Variants in TBC1D32 observed in about 807,000 individuals in gnomAD.
TBC1D32 encodes the protein protein broad-minded.
Under a neutral mutation model 170.3 loss-of-function variants are expected in TBC1D32, and 151 were observed. The observed-to-expected ratio is 0.89, with a 90% confidence interval of 0.78 to 1.01. TBC1D32 has a LOEUF of 1.01. Ranked by LOEUF, TBC1D32 falls within the 50% of genes least tolerant of loss-of-function variation. The pLI, the probability that TBC1D32 is intolerant of heterozygous loss-of-function variation, is 0.00. For synonymous variants in TBC1D32, 498 were observed against 488.0 expected (o/e 1.02, Z -0.27); for missense variants, 1,464 against 1,457.1 (o/e 1.00, Z -0.08).
In TBC1D32 at chr6:121,304,577, G is replaced by A; in HGVS notation, c.818C>T (p.Thr273Ile). The part of the protein sequence containing the change: ...YFLSRENHIP[T>I]LSAGVDITNP... ...AGTTATATCTACACCAGCTGAAAGA[G>A]TAGGAATATGATTTTCCCTAGAAAG... Residue 273 changes from threonine (T) to isoleucine (I), a missense_variant, in exon 7 of 32, where the codon ACT becomes ATT. Around this residue, in one of 3 missense-constraint regions of TBC1D32, gnomAD observed 1,363 missense variants for 1,338.1 expected, o/e 1.02. Transcript: ENST00000398212. The A allele has an allele frequency of 6.2e-7, 1 of 1,612,026 alleles. No homozygotes were observed. The highest frequency in any genetic ancestry group is 8.5e-7 in the Non-Finnish European group (1 of 1,178,898).
At chr6:121,239,224 T>C (rs1272270793) in intron 19 of TBC1D32, 36 bp from the exon 20 acceptor site, 8 of 1,270,662 alleles carry the variant, frequency 6.3e-6, no homozygotes, top group Non-Finnish European at 9.1e-6. Context: ...ATTTATAGCA[T>C]AATATTTCTT....
intron 21 of TBC1D32, among the ~76,000 whole-genome samples, chr6:121,212,584 A>G (rs1367417813): frequency 6.6e-6 from 1 of 150,590 alleles, no homozygotes; most frequent in Non-Finnish European, 1.5e-5. Context: ...CATCCTGGGT[A>G]GCTGGGATTA....
At chr6:121,331,598 T>G (rs773504643) in intron 1 of TBC1D32, among the ~76,000 whole-genome samples, 1 of 152,156 alleles carries the variant, frequency 6.6e-6, no homozygotes, top group Non-Finnish European at 1.5e-5. Context: ...GAATCAATGT[T>G]CTAATAGTGG....
At chr6:121,280,444 T>A (rs1215093529) in intron 14 of TBC1D32, among the ~76,000 whole-genome samples, 1 of 151,826 alleles carries the variant, frequency 6.6e-6, no homozygotes, top group African/African-American at 2.4e-5. Context: ...GTGTCCACTA[T>A]GTGCCAGAGG....
chr6:121,281,835 A>G, intron 13 of TBC1D32, 149 bp from the exon 14 acceptor site: 1 of 540,494 alleles, frequency 1.9e-6, no homozygotes. Flanking sequence ...AAGATGTACT[A>G]CCAAATTATA....
chr6:121,246,674 A>G (rs1446518595), intron 17 of TBC1D32, among the ~76,000 whole-genome samples: 1 of 151,934 alleles, frequency 6.6e-6, no homozygotes, highest in African/African-American at 2.4e-5. Context: ...CCAGAGAAAT[A>G]GATATAATAA....
chr6:121,124,905 T>A (rs1780666441), intron 26 of TBC1D32, among the ~76,000 whole-genome samples: 1 of 152,192 alleles, frequency 6.6e-6, no homozygotes, highest in Non-Finnish European at 1.5e-5. Context: ...ATCTCTCTAT[T>A]AAATTTCTCT....
intron 21 of TBC1D32, among the ~76,000 whole-genome samples, chr6:121,207,071 G>A (rs1194133552): frequency 6.6e-6 from 1 of 152,090 alleles, no homozygotes; most frequent in African/African-American, 2.4e-5. Flanking sequence ...ATAGGTAAAT[G>A]TTTTATTACT....
chr6:121,260,734 G>A (rs1373964531), intron 15 of TBC1D32, among the ~76,000 whole-genome samples: 3 of 152,190 alleles, frequency 2.0e-5, no homozygotes, highest in Admixed American at 6.5e-5. Flanking sequence ...ACAGCCACTC[G>A]GCTGGAATCA....
At chr6:121,264,179 A>G (rs1311140609) in intron 15 of TBC1D32, among the ~76,000 whole-genome samples, 1 of 152,164 alleles carries the variant, frequency 6.6e-6, no homozygotes, top group African/African-American at 2.4e-5. Flanking sequence ...ATAGACCACT[A>G]GTTAGATTAA....
intron 30 of TBC1D32, among the ~76,000 whole-genome samples, chr6:121,098,097 A>G (rs1202796293): frequency 1.3e-5 from 2 of 151,850 alleles, no homozygotes; most frequent in Admixed American, 6.6e-5. Flanking sequence ...CCTAATGTAG[A>G]TGATGGGTTG....
rs750106845 is a variant in TBC1D32 at position 121,091,091 on chromosome 6, T to C, written c.3466-50A>G. The C allele has an allele frequency of 2.7e-6, 4 of 1,460,230 alleles. No individual in the cohort carries two copies. In the South Asian group the frequency reaches 5.1e-5, roughly 19 times the overall value. The allele number at this position is 1,460,230 out of a possible 1,614,324, so 90.5% of individuals were successfully genotyped here. A position where few individuals can be genotyped will look rare whatever the true frequency, so the allele number is the denominator to read the frequency against. The stretch of plus-strand genomic sequence containing the variant: ...TCATTAAAAAATTTATAAAACCACA[T>C]TTGACTTTTAAAAAACATTAACCAA... On this transcript the variant is annotated intron_variant, in intron 30 of 31. Transcript: ENST00000398212.
intron 29 of TBC1D32, among the ~76,000 whole-genome samples, chr6:121,110,183 G>A (rs1442623054): frequency 4.0e-5 from 6 of 150,906 alleles, no homozygotes; most frequent in Non-Finnish European, 8.9e-5. Flanking sequence ...CCCAGGAGGC[G>A]GAGCTTGCAG....
chr6:121,081,638 T>C (rs1562410984), intron 31 of TBC1D32, among the ~76,000 whole-genome samples: 1 of 151,814 alleles, frequency 6.6e-6, no homozygotes, highest in African/African-American at 2.4e-5. Context: ...AGAATTACTA[T>C]AAGAAGAAGA....
In TBC1D32 at chr6:121,334,471, G is replaced by C. The variant is rs113208869; in HGVS notation, c.-41C>G. ...CGTCCACTCTCATTACTCCAGGTCC[G>C]AGCAAAAGCCGCGCACTGCGCACGC... On this transcript the variant is annotated 5_prime_UTR_variant, in exon 1 of 32. Coordinates refer to ENST00000398212, the MANE Select transcript of TBC1D32 (RefSeq NM_152730.6). 1.7e-3 allele frequency: 2,756 copies of C among 1,580,746 alleles called. 4 individuals are homozygous for C. The highest frequency in any genetic ancestry group is 2.2e-3 in the Non-Finnish European group (2,521 of 1,162,042).
At chr6:121,212,779 G>A in intron 21 of TBC1D32, among the ~76,000 whole-genome samples, 1 of 152,050 alleles carries the variant, frequency 6.6e-6, no homozygotes, top group East Asian at 1.9e-4. Context: ...TATCTTTGAT[G>A]AACTTGATGC....
rs551234959 is a variant in TBC1D32 at position 121,200,747 on chromosome 6, G to C, written c.2570+4328C>G. Among the ~76,000 whole-genome samples, 11 of 151,616 alleles carry C rather than the reference G, an allele frequency of 7.3e-5. 1 individual carries two copies. The South Asian group carries it at 2.3e-3, about 31-fold the overall frequency. ...AAGACAAGATCAGAATGGGCTATAAGTAATTCATAGAGCAAGCTTTGTGTT... is the reference window on the plus strand; with the variant it reads ...AAGACAAGATCAGAATGGGCTATAACTAATTCATAGAGCAAGCTTTGTGTT... On this transcript the variant is annotated intron_variant, in intron 22 of 31. Coordinates refer to ENST00000398212, the MANE Select transcript of TBC1D32 (RefSeq NM_152730.6).
intron 22 of TBC1D32, among the ~76,000 whole-genome samples, chr6:121,203,003 A>G (rs1233703725): frequency 2.0e-5 from 3 of 151,408 alleles, no homozygotes; most frequent in Non-Finnish European, 4.4e-5. Flanking sequence ...ACAAGCAATG[A>G]AAAACATAGA....
At chr6:121,313,443 C>G (rs1055712840) in intron 3 of TBC1D32, among the ~76,000 whole-genome samples, 1 of 151,850 alleles carries the variant, frequency 6.6e-6, no homozygotes, top group Non-Finnish European at 1.5e-5. Context: ...GCCACTATAC[C>G]TGGCTGATTT....
Sources: gnomAD v4.1 joint callset for allele counts (sites outside exome capture counted in the v4.1 genomes callset) on GRCh38, gnomAD v4.1.1 for gene constraint, gnomAD v4.1.1 regional missense constraint, MANE v1.5 for transcripts, NCBI Gene and HGNC (gene_info 2026-07-23, HGNC 2026-07-21) for gene names.